Variants in ADCY2 observed in about 807,000 individuals in gnomAD.
ADCY2 encodes adenylate cyclase type 2.
ADCY2 carries 31 observed loss-of-function variants against 125.2 expected under a neutral mutation model. That is an observed-to-expected ratio of 0.25 (90% CI 0.19 to 0.33). ADCY2 has a LOEUF of 0.33. Among genes scored for constraint, ADCY2 ranks in the 10% least tolerant of loss-of-function variants. The pLI is 1.00. For synonymous variants in ADCY2, 512 were observed against 548.4 expected (o/e 0.93, Z 0.93); for missense variants, 904 against 1,418.2 (o/e 0.64, Z 5.82).
At chr5:7,563,555 C>T (rs554758649) in intron 3 of ADCY2, among the ~76,000 whole-genome samples, 3 of 152,200 alleles carry the variant, frequency 2.0e-5, no homozygotes, top group Non-Finnish European at 4.4e-5. Context: ...CATAGCAGTC[C>T]TAATCATGAA....
intron 2 of ADCY2, among the ~76,000 whole-genome samples, chr5:7,501,600 T>G (rs1251315398): frequency 7.3e-6 from 1 of 136,176 alleles, no homozygotes; most frequent in East Asian, 2.1e-4. Flanking sequence ...TGACATAGGA[T>G]TAGATGTTTC....
chr5:7,506,476 GAT>G (rs1260040044), intron 2 of ADCY2, among the ~76,000 whole-genome samples: 1 of 152,066 alleles, frequency 6.6e-6, no homozygotes, highest in African/African-American at 2.4e-5. Context: ...GAAAAAGAAA[GAT>G]AAATAAAAAT....
chr5:7,624,481 A>G (rs547797052), intron 3 of ADCY2, among the ~76,000 whole-genome samples: 1 of 152,320 alleles, frequency 6.6e-6, no homozygotes, highest in East Asian at 1.9e-4. Context: ...AATGCAGGAC[A>G]TGGAGATGAC....
intron 2 of ADCY2, among the ~76,000 whole-genome samples, chr5:7,453,069 T>C (rs532000708): frequency 9.8e-5 from 15 of 152,306 alleles, no homozygotes; most frequent in African/African-American, 2.9e-4. Context: ...CTCTGATGAT[T>C]ATTTCTTTTG....
intron 4 of ADCY2, among the ~76,000 whole-genome samples, chr5:7,663,878 G>A (rs765867608): frequency 2.4e-4 from 36 of 152,128 alleles, no homozygotes; most frequent in Non-Finnish European, 4.9e-4. Context: ...TGTGCTATAC[G>A]GGAAATTTTC....
intron 2 of ADCY2, among the ~76,000 whole-genome samples, chr5:7,503,640 C>G (rs1743682595): frequency 6.6e-6 from 1 of 152,130 alleles, no homozygotes; most frequent in Non-Finnish European, 1.5e-5. Flanking sequence ...CATTAAATAG[C>G]TCATAGGACT....
Position 7,709,693 on chromosome 5 carries a change from C to T in ADCY2, c.1578+306C>T, listed in dbSNP as rs965400804. Among the ~76,000 whole-genome samples, 9 of 152,178 alleles carry T rather than the reference C, an allele frequency of 5.9e-5. No homozygotes were observed. Among genetic ancestry groups the T allele is most frequent in the Admixed American group, 5.2e-4 (8 of 15,282 alleles). ...TAATTGAGGGGTTTTTTAAGAAAAACTTCTATCATGAAGTAGAAAGCCTTG... is the reference window on the plus strand; with the variant it reads ...TAATTGAGGGGTTTTTTAAGAAAAATTTCTATCATGAAGTAGAAAGCCTTG... On this transcript the variant is annotated intron_variant, in intron 10 of 24. Transcript: ENST00000338316. This position sits in a 1 kb window ranked among gnomAD's most constrained non-coding sequence, Gnocchi z 4.4.
intron 11 of ADCY2, among the ~76,000 whole-genome samples, chr5:7,716,327 G>A (rs980425354): frequency 6.6e-6 from 1 of 152,072 alleles, no homozygotes; most frequent in South Asian, 2.1e-4. Context: ...AGGAAAACAC[G>A]AAAAAGGAAT....
At chr5:7,414,942 G>C (rs894988610) in intron 2 of ADCY2, among the ~76,000 whole-genome samples, 172 bp downstream of exon 2, 1 of 151,896 alleles carries the variant, frequency 6.6e-6, no homozygotes, top group African/African-American at 2.4e-5. Context: ...AATTATAATT[G>C]TATGTATTAT....
intron 4 of ADCY2, among the ~76,000 whole-genome samples, chr5:7,683,131 G>A (rs1015815386): frequency 1.3e-5 from 2 of 152,196 alleles, no homozygotes; most frequent in Non-Finnish European, 1.5e-5. Context: ...TGAGGTCCCT[G>A]CCCTGAAGAC....
In ADCY2 at chr5:7,520,469, C is replaced by G. The variant is rs533369272; in HGVS notation, c.409-269C>G. 5.3e-4 allele frequency among the ~76,000 whole-genome samples: 80 copies of G among 152,310 alleles called. 1 individual carries two copies. The highest frequency in any genetic ancestry group is 1.5e-4 in the Non-Finnish European group (10 of 68,026). On this transcript the variant is annotated intron_variant, in intron 2 of 24. Coordinates refer to ENST00000338316, the MANE Select transcript of ADCY2 (RefSeq NM_020546.3). ...GATACAGAACCCTGATAGTTTAGGA[C>G]CAGCTTTGCATCCATACTCATGGAG...
intron 15 of ADCY2, among the ~76,000 whole-genome samples, chr5:7,744,776 CATG>C (rs1330444711): frequency 7.2e-5 from 11 of 152,346 alleles, no homozygotes; most frequent in African/African-American, 2.6e-4. Context: ...AAAATTTTTA[CATG>C]ATAATTAATA....
intron 2 of ADCY2, among the ~76,000 whole-genome samples, chr5:7,489,809 G>C (rs965138049): frequency 6.6e-6 from 1 of 152,158 alleles, no homozygotes; most frequent in African/African-American, 2.4e-5. Flanking sequence ...TGCTATTTCT[G>C]CTTCAGTGTG....
At chr5:7,612,356 G>A (rs1198511837) in intron 3 of ADCY2, among the ~76,000 whole-genome samples, 1 of 152,204 alleles carries the variant, frequency 6.6e-6, no homozygotes, top group Middle Eastern at 3.2e-3. Flanking sequence ...GCAGATACAG[G>A]GTGTCTTTGT....
intron 2 of ADCY2, among the ~76,000 whole-genome samples, chr5:7,430,681 T>G (rs1258271484): frequency 6.6e-6 from 1 of 151,880 alleles, no homozygotes; most frequent in Non-Finnish European, 1.5e-5. Context: ...AAGGATAATT[T>G]CAACAGGTGC....
intron 4 of ADCY2, among the ~76,000 whole-genome samples, chr5:7,635,898 G>A (rs1159696404): frequency 2.0e-5 from 3 of 152,294 alleles, no homozygotes; most frequent in South Asian, 2.1e-4. Context: ...CTGCCCTGAC[G>A]GGGATCCTGG....
At chr5:7,507,424 G>C (rs1174744879) in intron 2 of ADCY2, among the ~76,000 whole-genome samples, 1 of 101,380 alleles carries the variant, frequency 9.9e-6, no homozygotes, top group Non-Finnish European at 1.9e-5. Flanking sequence ...CTGGGCGACA[G>C]AGCGAGACTC....
chr5:7,412,660 T>C (rs1040830236), intron 1 of ADCY2, among the ~76,000 whole-genome samples: 1 of 152,248 alleles, frequency 6.6e-6, no homozygotes. Flanking sequence ...TCTACTTGTT[T>C]TCTGCCAGTT....
chr5:7,647,336 G>T (rs1238006577), intron 4 of ADCY2, among the ~76,000 whole-genome samples: 1 of 152,162 alleles, frequency 6.6e-6, no homozygotes, highest in Non-Finnish European at 1.5e-5. Flanking sequence ...AGGCATGAGA[G>T]TCACAGAGCA....
Sources: gnomAD v4.1 joint callset for allele counts (sites outside exome capture counted in the v4.1 genomes callset) on GRCh38, gnomAD v4.1.1 for gene constraint, Gnocchi (gnomAD v3.1) non-coding constraint, MANE v1.5 for transcripts, NCBI Gene and HGNC (gene_info 2026-07-23, HGNC 2026-07-21) for gene names.